The following NFAT5 variants were observed in gnomAD, a reference collection of about 807,000 sequenced individuals.
The protein encoded by NFAT5 is nuclear factor of activated T cells 5.
Under a neutral mutation model 166.5 loss-of-function variants are expected in NFAT5, and 31 were observed. That is an observed-to-expected ratio of 0.19 (90% CI 0.14 to 0.25). NFAT5 has a LOEUF of 0.25. NFAT5 is among the 10% of genes least tolerant of loss of function. The pLI is 1.00. For synonymous variants in NFAT5, 612 were observed against 639.7 expected, an observed-to-expected ratio of 0.96 and a Z score of 0.65; for missense variants, 1,449 against 1,821.8, an observed-to-expected ratio of 0.80 and a Z score of 3.72.
intron 2 of NFAT5, among the ~76,000 whole-genome samples, chr16:69,614,835 A>T (rs1207114401): frequency 6.6e-6 from 1 of 150,754 alleles, no homozygotes; most frequent in Non-Finnish European, 1.5e-5. Context: ...TGAATCTGAA[A>T]TCATTCCTTG....
intron 3 of NFAT5, among the ~76,000 whole-genome samples, chr16:69,645,566 C>A (rs991611511): frequency 6.6e-6 from 1 of 152,060 alleles, no homozygotes; most frequent in Admixed American, 6.5e-5. Flanking sequence ...AAAAACAGAT[C>A]TTTGGCACTT....
rs2016590663 is a variant in NFAT5 at position 69,573,973 on chromosome 16, G to C, written c.127+5425G>C. 2.0e-5 allele frequency among the ~76,000 whole-genome samples: 3 copies of C among 150,152 alleles called. No homozygotes were observed. The East Asian group carries it at 5.9e-4, about 30-fold the overall frequency. Reference sequence around the variant, plus strand: ...ACCGCAACTTCACCTCCAGGTTCAAGCGATTTCCCTGCCTCAGCCTCCCAA... The same window carrying C: ...ACCGCAACTTCACCTCCAGGTTCAACCGATTTCCCTGCCTCAGCCTCCCAA... On this transcript the variant is annotated intron_variant, in intron 2 of 14. Coordinates refer to ENST00000349945, the MANE Select transcript of NFAT5 (RefSeq NM_138713.4).
At chr16:69,678,934 C>T (rs2036942861) in intron 10 of NFAT5, among the ~76,000 whole-genome samples, 1 of 151,960 alleles carries the variant, frequency 6.6e-6, no homozygotes, top group African/African-American at 2.4e-5. Context: ...TCACTATTCT[C>T]TTTTCTTTTC....
At chr16:69,690,880 T>C in intron 11 of NFAT5, 60 bp from the exon 12 acceptor site, 1 of 1,349,522 alleles carries the variant, frequency 7.4e-7, no homozygotes, top group South Asian at 2.0e-5. Flanking sequence ...AATTTTAGAA[T>C]GAAATAGTTG....
intron 2 of NFAT5, among the ~76,000 whole-genome samples, chr16:69,586,344 T>C (rs2032062123): frequency 6.6e-6 from 1 of 152,196 alleles, no homozygotes; most frequent in South Asian, 2.1e-4. Context: ...CAGACTAGAC[T>C]ACAGATGACT....
At chr16:69,614,487 A>G (rs999612852) in intron 2 of NFAT5, among the ~76,000 whole-genome samples, 7 of 152,238 alleles carry the variant, frequency 4.6e-5, no homozygotes, top group Non-Finnish European at 1.0e-4. Flanking sequence ...AATGAAATGT[A>G]TGCCTGAATG....
At chr16:69,574,844 A>AT (rs955846864) in intron 2 of NFAT5, among the ~76,000 whole-genome samples, 9 of 150,590 alleles carry the variant, frequency 6.0e-5, no homozygotes, top group Non-Finnish European at 7.4e-5. Flanking sequence ...AATTTTTTGT[A>AT]TTTTTTTAGT....
intron 2 of NFAT5, among the ~76,000 whole-genome samples, chr16:69,613,265 T>C (rs1189251098): frequency 6.6e-6 from 1 of 152,216 alleles, no homozygotes. Context: ...TATTTCTTGC[T>C]TAGGCTATTA....
chr16:69,677,370 ATAAT>A (rs1464980835), intron 10 of NFAT5, 35 bp downstream of exon 10: 13 of 1,512,062 alleles, frequency 8.6e-6, no homozygotes, highest in South Asian at 1.3e-5. Context: ...ACTAAAACAA[ATAAT>A]TAATTTCCAG....
chr16:69,636,162 A>T (rs1438315717), intron 3 of NFAT5, among the ~76,000 whole-genome samples: 1 of 152,178 alleles, frequency 6.6e-6, no homozygotes, highest in Non-Finnish European at 1.5e-5. Context: ...CAAATTTTAA[A>T]GCTCCAAAAT....
At chr16:69,594,995 C>T (rs1043563321) in intron 2 of NFAT5, among the ~76,000 whole-genome samples, 3 of 152,098 alleles carry the variant, frequency 2.0e-5, no homozygotes, top group Non-Finnish European at 4.4e-5. Context: ...CTTCTGCCTG[C>T]TTTTATTATG....
chr16:69,632,349 C>A (rs1024947007), intron 3 of NFAT5: 1 of 152,148 alleles, frequency 6.6e-6, no homozygotes, highest in African/African-American at 2.4e-5. Context: ...TAAAGTATCT[C>A]TCTTTTTTCT....
At chr16:69,583,064 G>A (rs577794016) in intron 2 of NFAT5, among the ~76,000 whole-genome samples, 1 of 151,290 alleles carries the variant, frequency 6.6e-6, no homozygotes, top group Admixed American at 6.6e-5. Flanking sequence ...TTATTTATAA[G>A]TATTCCATTC....
chr16:69,659,989 A>G (rs182708469), intron 7 of NFAT5, 90 bp downstream of exon 7: 1 of 1,154,500 alleles, frequency 8.7e-7, no homozygotes, highest in Non-Finnish European at 1.2e-6. Flanking sequence ...TAGATATTTC[A>G]TATGCTCCGG....
chr16:69,603,266 T>C (rs2033233214), intron 2 of NFAT5, among the ~76,000 whole-genome samples: 1 of 152,186 alleles, frequency 6.6e-6, no homozygotes, highest in South Asian at 2.1e-4. Flanking sequence ...TTATACATCC[T>C]TTTTGTCTAT....
intron 7 of NFAT5, among the ~76,000 whole-genome samples, chr16:69,666,806 G>A (rs1194416979): frequency 2.6e-5 from 4 of 151,776 alleles, no homozygotes; most frequent in African/African-American, 9.7e-5. Flanking sequence ...ATTTGACCCA[G>A]CCATCCCATT....
intron 2 of NFAT5, among the ~76,000 whole-genome samples, chr16:69,581,229 G>T (rs776552404): frequency 6.6e-6 from 1 of 152,058 alleles, no homozygotes; most frequent in Non-Finnish European, 1.5e-5. Flanking sequence ...TTTAGTAGAG[G>T]TGGGGTTTTG....
At chr16:69,590,071 G>A (rs1309792898) in intron 2 of NFAT5, among the ~76,000 whole-genome samples, 1 of 152,150 alleles carries the variant, frequency 6.6e-6, no homozygotes, top group Non-Finnish European at 1.5e-5. Context: ...CTACTTAGGA[G>A]ACTGATAAAG....
intron 2 of NFAT5, among the ~76,000 whole-genome samples, chr16:69,582,177 A>G (rs1237276222): frequency 2.0e-5 from 3 of 152,128 alleles, no homozygotes; most frequent in African/African-American, 7.2e-5. Flanking sequence ...AGGCAGGAGA[A>G]TTGTTTGAAC....
Sources: gnomAD v4.1 joint callset for allele counts (sites outside exome capture counted in the v4.1 genomes callset) on GRCh38, gnomAD v4.1.1 for gene constraint, MANE v1.5 for transcripts, NCBI Gene and HGNC (gene_info 2026-07-23, HGNC 2026-07-21) for gene names.